The following RAI1 variants were observed in gnomAD, a reference collection of about 807,000 sequenced individuals.
RAI1 encodes retinoic acid induced 1, also known as retinoic acid-induced protein 1.
Under a neutral mutation model 123.8 loss-of-function variants are expected in RAI1, and 9 were observed. The ratio of observed to expected loss-of-function variants is 0.07; its 90% confidence interval spans 0.04 to 0.13. RAI1 has a LOEUF of 0.13. RAI1 is among the 10% of genes least tolerant of loss of function. RAI1 has a pLI of 1.00. For synonymous variants in RAI1, 1,231 were observed against 1,127.3 expected, an observed-to-expected ratio of 1.09 and a Z score of -1.84; for missense variants, 2,256 against 2,545.8, an observed-to-expected ratio of 0.89 and a Z score of 2.45.
chr17:17,753,314 A>T lies in RAI1; in HGVS notation c.-17+29155A>T, dbSNP rs577676326. ...CCAGCATCTGACTCTTCGTTTGTGT[A>T]TTACTTGCTGTGCCTTGTCCTGGCT... On this transcript the variant is annotated intron_variant, in intron 2 of 5. Coordinates refer to ENST00000353383, the MANE Select transcript of RAI1 (RefSeq NM_030665.4). Among the ~76,000 whole-genome samples, 21 of 152,260 alleles carry T rather than the reference A, an allele frequency of 1.4e-4. No individual in the cohort carries two copies. In the South Asian group the frequency reaches 4.1e-3, roughly 30 times the overall value.
chr17:17,704,866 G>A (rs1915345492), intron 1 of RAI1, among the ~76,000 whole-genome samples: 1 of 23,928 alleles, frequency 4.2e-5, no homozygotes, highest in Admixed American at 3.1e-4. Context: ...TTTTTGGGTG[G>A]GGGGGCCGGG....
rs755288297 is a variant in RAI1, at chr17:17,795,982, G to A, written c.3034G>A (p.Asp1012Asn). Residue 1012 changes from aspartate to asparagine, a missense_variant, in exon 3 of 6, where the codon GAC becomes AAC. By Grantham distance (23) the Asp-to-Asn change is conservative. Around this residue, in one of 7 missense-constraint regions of RAI1, gnomAD observed 566 missense variants for 616.0 expected, o/e 0.92. Coordinates refer to ENST00000353383, the MANE Select transcript of RAI1 (RefSeq NM_030665.4). The surrounding 1 kb of genome is among the most constrained non-coding windows in gnomAD (Gnocchi z 5.9). ...RVHRGLPEAEDSPCRAPVLPK... is the reference protein window; with the variant it reads ...RVHRGLPEAENSPCRAPVLPK... ...GCACCGGGGGCTGCCCGAGGCCGAG[G>A]ACTCCCCATGCAGGGCACCAGTGCT... The A allele has an allele frequency of 6.1e-5, 98 of 1,600,616 alleles. 1 individual carries two copies. Among genetic ancestry groups the A allele is most frequent in the Non-Finnish European group, 7.9e-5 (93 of 1,175,778 alleles).
rs971604166 is a variant in RAI1 at position 17,799,539 on chromosome 17, C to T, written c.5565+1026C>T. Among the ~76,000 whole-genome samples the T allele has an allele frequency of 4.6e-5, 7 of 152,172 alleles. No individual in the cohort carries two copies. The highest frequency in any genetic ancestry group is 1.3e-4 in the Admixed American group (2 of 15,284). On this transcript the variant is annotated intron_variant, in intron 3 of 5. Coordinates refer to ENST00000353383, the MANE Select transcript of RAI1 (RefSeq NM_030665.4). The surrounding 1 kb of genome is among the most constrained non-coding windows in gnomAD (Gnocchi z 4.5). ...CCAGACTTCCGTGGAGTGACGCTCC[C>T]GGCTCTCAGCGCTGTGTGGTGGCTC...
At position 17,796,790 on chromosome 17, in the gene RAI1, C is replaced by T. The variant is rs766014989; in HGVS notation, c.3842C>T (p.Pro1281Leu). 4 of 1,612,564 alleles carry T rather than the reference C, an allele frequency of 2.5e-6. No homozygotes were observed. The highest frequency in any genetic ancestry group is 3.4e-6 in the Non-Finnish European group (4 of 1,179,416). ...ATGTCTTCTCCCAAGAAAGCCAAGC[C>T]CACCAAGGGCAATGGCGAGCCTGCC... ...KRMSSPKKAK[P>L]TKGNGEPATK... is the part of the protein sequence containing the mutation. Residue 1281 changes from proline (P) to leucine (L), a missense_variant, in exon 3 of 6, where the codon CCC becomes CTC. Physicochemically the swap from Pro to Leu is moderately conservative, Grantham distance 98 (BLOSUM62 -3). Around this residue, in one of 7 missense-constraint regions of RAI1, gnomAD observed 322 missense variants for 358.0 expected, o/e 0.90. Coordinates refer to ENST00000353383, the MANE Select transcript of RAI1 (RefSeq NM_030665.4). The surrounding 1 kb of genome is among the most constrained non-coding windows in gnomAD (Gnocchi z 5.8).
intron 2 of RAI1, among the ~76,000 whole-genome samples, chr17:17,750,309 T>C (rs1201083780): frequency 6.6e-6 from 1 of 152,216 alleles, no homozygotes; most frequent in Non-Finnish European, 1.5e-5. Flanking sequence ...TGTAAGCCCT[T>C]TTCTCAAATT....
At chr17:17,724,402 TTTCC>T (rs1182699993) in intron 2 of RAI1, among the ~76,000 whole-genome samples, 5 of 116,810 alleles carry the variant, frequency 4.3e-5, no homozygotes, top group Non-Finnish European at 9.3e-5. Context: ...AATTTCTTTC[TTTCC>T]TTTTTTTTTT....
At chr17:17,723,347 C>A (rs530825011) in intron 1 of RAI1, among the ~76,000 whole-genome samples, 2 of 150,562 alleles carry the variant, frequency 1.3e-5, no homozygotes, top group Non-Finnish European at 3.0e-5. Context: ...AGACCCCCCC[C>A]CCCAAGCCCC....
chr17:17,777,634 C>T (rs2031395592), intron 2 of RAI1: 2 of 152,172 alleles, frequency 1.3e-5, no homozygotes, highest in Admixed American at 1.3e-4. Context: ...AGGATGGATG[C>T]TCAGGCCTCA....
intron 2 of RAI1, among the ~76,000 whole-genome samples, chr17:17,745,431 T>G (rs909935038): frequency 1.0e-4 from 15 of 147,666 alleles, no homozygotes; most frequent in South Asian, 4.3e-4. Flanking sequence ...GTGTGTGTGT[T>G]TGTTTTTGTT....
chr17:17,784,425 G>C (rs1426066796), intron 2 of RAI1, among the ~76,000 whole-genome samples: 1 of 152,260 alleles, frequency 6.6e-6, no homozygotes, highest in Non-Finnish European at 1.5e-5. Flanking sequence ...TTGACAGACA[G>C]GCACTCTGGG....
intron 1 of RAI1, among the ~76,000 whole-genome samples, chr17:17,694,772 G>A (rs1221815704): frequency 2.7e-5 from 4 of 149,692 alleles, no homozygotes; most frequent in Non-Finnish European, 6.0e-5. Flanking sequence ...GAGGCGGGGC[G>A]GGCCGCTCGC....
intron 1 of RAI1, chr17:17,684,700 A>ATGTATGTATG (rs1328440822): frequency 1.6e-5 from 2 of 125,544 alleles, no homozygotes; most frequent in African/African-American, 7.4e-5. Flanking sequence ...ATATATATAT[A>ATGTATGTATG]TATATATGTA....
At chr17:17,691,094 C>T (rs373484486) in intron 1 of RAI1, among the ~76,000 whole-genome samples, 14 of 152,280 alleles carry the variant, frequency 9.2e-5, no homozygotes, top group Middle Eastern at 3.4e-3. Context: ...GTAAAGTCAT[C>T]GGGTATTCAC....
intron 2 of RAI1, among the ~76,000 whole-genome samples, chr17:17,754,808 T>C (rs936143187): frequency 1.1e-4 from 17 of 152,324 alleles, no homozygotes; most frequent in Admixed American, 9.2e-4. Context: ...GCAAGGCCCG[T>C]CTCTGCACAG....
In RAI1 at chr17:17,720,969, CT is replaced by C. The variant is rs558164550; in HGVS notation, c.-148-3053del. 5.0e-3 allele frequency among the ~76,000 whole-genome samples: 759 copies of C among 152,240 alleles called. 4 individuals carry two copies. The highest frequency in any genetic ancestry group is 0.017 in the African/African-American group (718 of 41,528). On this transcript the variant is annotated intron_variant, in intron 1 of 5. Coordinates refer to ENST00000353383, the MANE Select transcript of RAI1 (RefSeq NM_030665.4). ...CCTGGAACAAATGACAGGCTCTGCC[CT>C]TTTTTGAGATAAGCCACCCACCACC...
At chr17:17,709,924 A>G (rs986313959) in intron 1 of RAI1, among the ~76,000 whole-genome samples, 3 of 152,192 alleles carry the variant, frequency 2.0e-5, no homozygotes, top group African/African-American at 7.2e-5. Context: ...AGGCGTGCGC[A>G]CATTCCTAGA....
chr17:17,797,501 C>T lies in RAI1; in HGVS notation c.4553C>T (p.Pro1518Leu), dbSNP rs199878159. The T allele has an allele frequency of 6.2e-7, 1 of 1,613,448 alleles. No homozygotes were observed. The highest frequency in any genetic ancestry group is 2.2e-5 in the East Asian group (1 of 44,852). ...SQPPEGRPCQ[P>L]QTRAQKQPGH... ...CCCCCGGAGGGCAGGCCCTGCCAGC[C>T]CCAGACAAGGGCACAGAAACAGCCA... is the stretch of plus-strand genomic sequence containing the variant. Residue 1518 changes from proline (P) to leucine (L), a missense_variant, in exon 3 of 6, where the codon CCC becomes CTC. Coordinates refer to ENST00000353383, the MANE Select transcript of RAI1 (RefSeq NM_030665.4).
chr17:17,785,488 C>T (rs1258681891), intron 2 of RAI1, among the ~76,000 whole-genome samples: 3 of 152,186 alleles, frequency 2.0e-5, no homozygotes, highest in African/African-American at 7.2e-5. Context: ...GAGGGAGGCA[C>T]ATGTGAAACA....
intron 1 of RAI1, among the ~76,000 whole-genome samples, chr17:17,705,148 C>T (rs1915353796): frequency 6.6e-6 from 1 of 152,200 alleles, no homozygotes; most frequent in South Asian, 2.1e-4. Flanking sequence ...ACTGATTCTT[C>T]ATCATCATCA....
Sources: allele counts gnomAD v4.1 joint callset (sites outside exome capture counted in the v4.1 genomes callset), GRCh38; gene constraint gnomAD v4.1.1; regional missense constraint gnomAD v4.1.1; non-coding constraint Gnocchi (gnomAD v3.1); transcripts MANE v1.5; gene names NCBI Gene and HGNC (gene_info 2026-07-23, HGNC 2026-07-21).